FBXO11: variants seen among roughly 807,000 people sequenced by gnomAD.
The protein encoded by FBXO11 is F-box only protein 11.
A neutral mutation model predicts 117.0 loss-of-function variants in FBXO11; 13 were observed. The observed-to-expected ratio is 0.11, with a 90% CI of 0.07 to 0.18. The LOEUF is 0.18. Among genes scored for constraint, FBXO11 ranks in the 10% least tolerant of loss-of-function variants. The pLI is 1.00. For missense variants in FBXO11, 767 were observed against 1,164.4 expected (o/e 0.66, Z 4.97); for synonymous variants, 490 against 380.5 (o/e 1.29, Z -3.35).
At chr2:47,840,514 G>C (rs897042799) in intron 1 of FBXO11, among the ~76,000 whole-genome samples, 18 of 147,826 alleles carry the variant, frequency 1.2e-4, no homozygotes, top group African/African-American at 4.5e-4. Flanking sequence ...GCAGTGGCCC[G>C]ATCACAGCTC....
At chr2:47,861,183 T>C (rs554879160) in intron 1 of FBXO11, among the ~76,000 whole-genome samples, 1 of 152,258 alleles carries the variant, frequency 6.6e-6, no homozygotes, top group South Asian at 2.1e-4. Flanking sequence ...CTGGGAAGTG[T>C]AGCCGTCCTC....
At chr2:47,840,921 T>C (rs1359749478) in intron 1 of FBXO11, among the ~76,000 whole-genome samples, 1 of 150,912 alleles carries the variant, frequency 6.6e-6, no homozygotes, top group Non-Finnish European at 1.5e-5. Context: ...AACTTGTAAA[T>C]AACACAGTGG....
At chr2:47,885,897 T>G (rs1245111939) in intron 1 of FBXO11, among the ~76,000 whole-genome samples, 1 of 151,390 alleles carries the variant, frequency 6.6e-6, no homozygotes, top group East Asian at 1.9e-4. Flanking sequence ...CCTCAAGGTA[T>G]AGTTTAAGTA....
chr2:47,809,079 C>G, intron 21 of FBXO11, 79 bp downstream of exon 21: 1 of 871,182 alleles, frequency 1.1e-6, no homozygotes. Flanking sequence ...CGGCAAATAG[C>G]CAAAAATGCT....
At chr2:47,898,835 T>C (rs1029470064) in intron 1 of FBXO11, among the ~76,000 whole-genome samples, 2 of 152,222 alleles carry the variant, frequency 1.3e-5, no homozygotes, top group Non-Finnish European at 2.9e-5. Context: ...TGTATTTTGG[T>C]ATCTTTCCTT....
chr2:47,839,373 A>T (rs759581031), intron 3 of FBXO11, 46 bp downstream of exon 3: 47 of 1,516,970 alleles, frequency 3.1e-5, no homozygotes, highest in South Asian at 4.9e-5. Context: ...AAGCAAAATT[A>T]AAAAAAATTA....
Position 47,890,017 on chromosome 2 carries a change from G to C in FBXO11, c.232+15472C>G, listed in dbSNP as rs963950366. Among the ~76,000 whole-genome samples the C allele has an allele frequency of 4.6e-5, 7 of 152,274 alleles. No individual in the cohort carries two copies. In the South Asian group the frequency reaches 8.3e-4, roughly 18 times the overall value. On this transcript the variant is annotated intron_variant, in intron 1 of 22. Transcript: ENST00000403359. ...TTATCCTGGAAAGAAAGAATCACTGGTTCAGAGTCCCAAATATCAAATTCC... is the reference window on the plus strand; with the variant it reads ...TTATCCTGGAAAGAAAGAATCACTGCTTCAGAGTCCCAAATATCAAATTCC...
intron 1 of FBXO11, among the ~76,000 whole-genome samples, chr2:47,895,625 T>G (rs1272204977): frequency 6.6e-6 from 1 of 152,250 alleles, no homozygotes; most frequent in African/African-American, 2.4e-5. Flanking sequence ...GGATGATTTG[T>G]GCACTTACAT....
intron 1 of FBXO11, among the ~76,000 whole-genome samples, chr2:47,896,169 A>G (rs1221570085): frequency 1.3e-5 from 2 of 152,340 alleles, no homozygotes; most frequent in African/African-American, 2.4e-5. Context: ...TGAAACTTTA[A>G]GAGAAAAATT....
rs139004397 is a variant in FBXO11 at position 47,836,559 on chromosome 2, A to G, written c.588-558T>C. Reference sequence around the variant, plus strand: ...TCGAACTCTGGAGCTCAAGTGATTTACCCACCTCAGCCTCCCTAAGTGCTG... The same window carrying G: ...TCGAACTCTGGAGCTCAAGTGATTTGCCCACCTCAGCCTCCCTAAGTGCTG... On this transcript the variant is annotated intron_variant, in intron 4 of 22. Coordinates refer to ENST00000403359, the MANE Select transcript of FBXO11 (RefSeq NM_001190274.2). Among the ~76,000 whole-genome samples, 132 of 151,402 alleles carry G rather than the reference A, an allele frequency of 8.7e-4. 2 individuals carry two copies. The highest frequency in any genetic ancestry group is 3.0e-3 in the African/African-American group (125 of 41,256).
intron 1 of FBXO11, 91 bp from the exon 2 acceptor site, chr2:47,839,860 G>C: frequency 1.7e-6 from 2 of 1,143,814 alleles, no homozygotes; most frequent in Non-Finnish European, 2.5e-6. Context: ...TCAAATTCGG[G>C]AGGGAGCAGA....
Position 47,832,663 on chromosome 2 carries a change from C to T in FBXO11, c.1169G>A (p.Cys390Tyr), listed in dbSNP as rs772459381. Residue 390 changes from cysteine (C) to tyrosine (Y), a missense_variant, in exon 10 of 23, where the codon TGT becomes TAT. By Grantham distance (194) the Cys-to-Tyr change is radical. Transcript: ENST00000403359. ...GGGACATGCTCCTTGACCACTAACACATACTGCAGAACCAACTGTAGAAAA... is the reference window on the plus strand; with the variant it reads ...GGGACATGCTCCTTGACCACTAACATATACTGCAGAACCAACTGTAGAAAA... Reference protein sequence around the residue: ...RSTCTVGSAVCVSGQGACPTI... With the variant: ...RSTCTVGSAVYVSGQGACPTI... 1 of 1,613,818 alleles carries T rather than the reference C, an allele frequency of 6.2e-7. No individual in the cohort carries two copies. Among genetic ancestry groups the T allele is most frequent in the Non-Finnish European group, 8.5e-7 (1 of 1,179,866 alleles).
chr2:47,810,527 A>G, intron 18 of FBXO11, 101 bp from the exon 19 acceptor site: 8 of 641,882 alleles, frequency 1.2e-5, no homozygotes, highest in Non-Finnish European at 2.0e-5. Flanking sequence ...ATTTAACTGC[A>G]TGGTAAAATT....
At chr2:47,879,736 T>G (rs1006622443) in intron 1 of FBXO11, among the ~76,000 whole-genome samples, 1 of 152,252 alleles carries the variant, frequency 6.6e-6, no homozygotes, top group Non-Finnish European at 1.5e-5. Flanking sequence ...TTACCAGTTT[T>G]GCTGAAACTC....
At chr2:47,809,393 A>C in intron 20 of FBXO11, 127 bp from the exon 21 acceptor site, 2 of 693,496 alleles carry the variant, frequency 2.9e-6, no homozygotes, top group South Asian at 2.0e-5. Flanking sequence ...TAACCAATGA[A>C]GTAATTGTAA....
intron 1 of FBXO11, among the ~76,000 whole-genome samples, chr2:47,857,824 G>C (rs1382991429): frequency 1.3e-5 from 2 of 152,154 alleles, no homozygotes; most frequent in Non-Finnish European, 2.9e-5. Context: ...AGGCAAGCCT[G>C]TTTCTTACCA....
intron 1 of FBXO11, among the ~76,000 whole-genome samples, chr2:47,874,045 T>C (rs1178953829): frequency 1.3e-5 from 2 of 151,952 alleles, no homozygotes; most frequent in Admixed American, 1.3e-4. Context: ...AAACCCCGTC[T>C]CTACTAAAAA....
At chr2:47,818,456 G>A (rs1405330644) in intron 16 of FBXO11, 1 of 224,168 alleles carries the variant, frequency 4.5e-6, no homozygotes, top group Non-Finnish European at 8.6e-6. Context: ...CCAATGATAT[G>A]CCAGGCATAA....
intron 1 of FBXO11, among the ~76,000 whole-genome samples, chr2:47,852,750 C>G (rs1171117580): frequency 6.6e-6 from 1 of 152,188 alleles, no homozygotes; most frequent in Non-Finnish European, 1.5e-5. Context: ...CATGTACAGG[C>G]ACTACTGTTT....
Sources: allele counts gnomAD v4.1 joint callset (sites outside exome capture counted in the v4.1 genomes callset), GRCh38; gene constraint gnomAD v4.1.1; transcripts MANE v1.5; gene names NCBI Gene and HGNC (gene_info 2026-07-23, HGNC 2026-07-21).